TNKS: variants seen among roughly 807,000 people sequenced by gnomAD.
TNKS encodes tankyrase, also known as poly [ADP-ribose] polymerase tankyrase-1.
TNKS carries 72 observed loss-of-function variants against 135.8 expected under a neutral mutation model. The observed-to-expected ratio is 0.53, with a 90% CI of 0.44 to 0.64. TNKS has a LOEUF of 0.64. Among genes scored for constraint, TNKS ranks in the 30% least tolerant of loss-of-function variants. The pLI is 0.00. For synonymous variants in TNKS, 849 were observed against 649.3 expected, an observed-to-expected ratio of 1.31 and a Z score of -4.68; for missense variants, 1,769 against 1,674.0, an observed-to-expected ratio of 1.06 and a Z score of -0.99.
intron 1 of TNKS, among the ~76,000 whole-genome samples, chr8:9,565,544 GTC>G (rs1259750141): frequency 6.6e-6 from 1 of 152,102 alleles, no homozygotes; most frequent in African/African-American, 2.4e-5. Context: ...TAAAGCTATA[GTC>G]TCTGTGTCAT....
intron 1 of TNKS, among the ~76,000 whole-genome samples, chr8:9,574,769 A>G (rs1797880234): frequency 2.0e-5 from 3 of 152,106 alleles, no homozygotes; most frequent in African/African-American, 7.2e-5. Flanking sequence ...TTTTTTTGGT[A>G]GCTGGACAGA....
At chr8:9,655,248 C>T (rs1172289967) in intron 3 of TNKS, among the ~76,000 whole-genome samples, 2 of 152,198 alleles carry the variant, frequency 1.3e-5, no homozygotes, top group African/African-American at 2.4e-5. Context: ...AGCCCGGAAA[C>T]TCGAACTGGG....
At chr8:9,575,641 G>A (rs1411390820) in intron 1 of TNKS, among the ~76,000 whole-genome samples, 1 of 152,100 alleles carries the variant, frequency 6.6e-6, no homozygotes, top group African/African-American at 2.4e-5. Flanking sequence ...CACAATCCAT[G>A]TAGGAAAAGA....
intron 2 of TNKS, among the ~76,000 whole-genome samples, chr8:9,608,561 C>G (rs1268679164): frequency 6.6e-6 from 1 of 152,072 alleles, no homozygotes; most frequent in African/African-American, 2.4e-5. Flanking sequence ...CAGCTATTGC[C>G]AAATAAGCCT....
At chr8:9,756,941 GC>G (rs1474180372) in intron 20 of TNKS, among the ~76,000 whole-genome samples, 7 of 151,832 alleles carry the variant, frequency 4.6e-5, no homozygotes, top group Non-Finnish European at 1.0e-4. Flanking sequence ...ACTTCCCAGG[GC>G]CTTTGGTATA....
In TNKS at chr8:9,709,830, A is replaced by G. The variant is rs980222544; in HGVS notation, c.1579-125A>G. 7 of 702,010 alleles carry G rather than the reference A, an allele frequency of 1.0e-5. No homozygotes were observed. In the Admixed American group the frequency reaches 1.9e-4, roughly 20 times the overall value. The allele number at this position is 702,010 out of a possible 1,614,324, so 43.5% of individuals were successfully genotyped here. On this transcript the variant is annotated intron_variant, in intron 9 of 26. Transcript: ENST00000310430. The stretch of plus-strand genomic sequence containing the variant: ...ATGGATCATCTCTGTGATATAAAAC[A>G]TATACATATGTTCTGATACTCTGAG...
intron 2 of TNKS, among the ~76,000 whole-genome samples, chr8:9,593,860 T>G (rs1798675153): frequency 6.8e-6 from 1 of 147,640 alleles, no homozygotes; most frequent in South Asian, 2.2e-4. Context: ...TCTTATCCCT[T>G]GATATTTATT....
At chr8:9,663,549 C>T (rs1233869997) in intron 3 of TNKS, among the ~76,000 whole-genome samples, 3 of 152,148 alleles carry the variant, frequency 2.0e-5, no homozygotes, top group East Asian at 1.9e-4. Context: ...TTGGAATTAA[C>T]GTCAGATCCA....
chr8:9,614,292 T>C (rs1799562094), intron 2 of TNKS, among the ~76,000 whole-genome samples: 1 of 152,234 alleles, frequency 6.6e-6, no homozygotes, highest in South Asian at 2.1e-4. Context: ...TAATGTTCAT[T>C]GTTTGCATTC....
At chr8:9,714,257 T>G (rs770666927) in intron 11 of TNKS, among the ~76,000 whole-genome samples, 5 of 152,142 alleles carry the variant, frequency 3.3e-5, no homozygotes, top group Non-Finnish European at 5.9e-5. Flanking sequence ...CTTTCTAGTT[T>G]TGTGACCTTG....
At chr8:9,575,716 A>G (rs574306333) in intron 1 of TNKS, among the ~76,000 whole-genome samples, 3 of 152,364 alleles carry the variant, frequency 2.0e-5, no homozygotes, top group Non-Finnish European at 4.4e-5. Context: ...AGCCCAAAAG[A>G]AAATGGCCAA....
At chr8:9,617,669 C>G (rs1799695210) in intron 3 of TNKS, among the ~76,000 whole-genome samples, 1 of 152,102 alleles carries the variant, frequency 6.6e-6, no homozygotes, top group African/African-American at 2.4e-5. Flanking sequence ...ATTTCCAGAG[C>G]TAAATTTAAA....
intron 14 of TNKS, among the ~76,000 whole-genome samples, chr8:9,731,478 A>AC (rs1805437491): frequency 6.6e-6 from 1 of 151,110 alleles, no homozygotes; most frequent in Non-Finnish European, 1.5e-5. Context: ...AAAAAAAAAA[A>AC]AAAAAACATA....
rs1815309682 is a variant in TNKS, at chr8:9,556,458, G to A, written c.519G>A (p.Gly173=). 4 of 1,614,058 alleles carry A rather than the reference G, an allele frequency of 2.5e-6. No individual in the cohort carries two copies. Among genetic ancestry groups the A allele is most frequent in the African/African-American group, 1.3e-5 (1 of 74,934 alleles). The part of the protein sequence containing the change: ...APLGPGAAGP[G]TGVPAVSGAL... ...TGGGGCCTGGGGCAGCAGGACCTGG[G>A]ACAGGGGTCCCAGCAGTGAGCGGGG... Residue 173 remains glycine (G), a synonymous_variant, in exon 1 of 27, where the codon GGG becomes GGA. Transcript: ENST00000310430.
rs770299882 is a variant in TNKS, at chr8:9,765,730, C to T, written c.3486C>T (p.Phe1162=). Residue 1162 remains phenylalanine, a synonymous_variant, in exon 24 of 27, where the codon TTC becomes TTT. Coordinates refer to ENST00000310430, the MANE Select transcript of TNKS (RefSeq NM_003747.3). ...TCAACAAGAAGTTGAGGGAGCGGTTCTGCCACCGACAGAAGGAAGTGTCTG... is the reference window on the plus strand; with the variant it reads ...TCAACAAGAAGTTGAGGGAGCGGTTTTGCCACCGACAGAAGGAAGTGTCTG... ...KVVNKKLRER[F]CHRQKEVSEE... 5 of 1,613,972 alleles carry T rather than the reference C, an allele frequency of 3.1e-6. No homozygotes were observed. In the South Asian group the frequency reaches 4.4e-5, roughly 14 times the overall value.
intron 3 of TNKS, among the ~76,000 whole-genome samples, chr8:9,624,604 A>G (rs1036303720): frequency 3.3e-5 from 5 of 152,206 alleles, no homozygotes; most frequent in Non-Finnish European, 5.9e-5. Flanking sequence ...ATAGAAATAC[A>G]TACATACTGT....
At chr8:9,711,017 C>T (rs1804303758) in intron 11 of TNKS, among the ~76,000 whole-genome samples, 1 of 152,062 alleles carries the variant, frequency 6.6e-6, no homozygotes, top group Non-Finnish European at 1.5e-5. Flanking sequence ...GAAACTTTGT[C>T]AAGCACTTAA....
intron 13 of TNKS, among the ~76,000 whole-genome samples, chr8:9,727,592 T>G (rs1805227451): frequency 6.6e-6 from 1 of 152,218 alleles, no homozygotes; most frequent in Non-Finnish European, 1.5e-5. Context: ...TTTATTATTT[T>G]TATCGAAAAG....
chr8:9,582,037 A>G (rs1277699946), intron 2 of TNKS, among the ~76,000 whole-genome samples: 2 of 152,198 alleles, frequency 1.3e-5, no homozygotes, highest in Non-Finnish European at 2.9e-5. Flanking sequence ...GGGGAAGGGC[A>G]CCTTTGAAAC....
Sources: gnomAD v4.1 joint callset for allele counts (sites outside exome capture counted in the v4.1 genomes callset) on GRCh38, gnomAD v4.1.1 for gene constraint, MANE v1.5 for transcripts, NCBI Gene and HGNC (gene_info 2026-07-23, HGNC 2026-07-21) for gene names.